Variants in TSGA10 observed in about 807,000 individuals in gnomAD.
The protein encoded by TSGA10 is testis-specific gene 10 protein.
Under a neutral mutation model 96.6 loss-of-function variants are expected in TSGA10, and 43 were observed. The observed-to-expected ratio is 0.44, with a 90% CI of 0.35 to 0.57. The LOEUF (loss-of-function observed/expected upper bound fraction) is 0.57. TSGA10 is among the 20% of genes least tolerant of loss of function. The probability of loss-of-function intolerance (pLI) is 0.01; values close to 1 mark genes in which losing one functional copy is unlikely to be tolerated. For missense variants in TSGA10, 703 were observed against 834.4 expected, an observed-to-expected ratio of 0.84 and a Z score of 1.94; for synonymous variants, 229 against 269.9, an observed-to-expected ratio of 0.85 and a Z score of 1.48.
intron 16 of TSGA10, among the ~76,000 whole-genome samples, chr2:99,059,461 C>T (rs1212196063): frequency 6.6e-6 from 1 of 151,254 alleles, no homozygotes; most frequent in Non-Finnish European, 1.5e-5. Context: ...ATGTCAAAAC[C>T]CCATCTCTAT....
At position 99,036,902 on chromosome 2, in the gene TSGA10, A is replaced by G. The variant is rs534728042; in HGVS notation, c.1405-1463T>C. Among the ~76,000 whole-genome samples the G allele has an allele frequency of 2.0e-3, 297 of 152,306 alleles. 1 individual carries two copies. The highest frequency in any genetic ancestry group is 3.5e-3 in the Non-Finnish European group (238 of 68,014). On this transcript the variant is annotated intron_variant, in intron 16 of 20. Transcript: ENST00000393483. The stretch of plus-strand genomic sequence containing the variant: ...AGGGCATGACATAATGATTGTAAAA[A>G]GTTAATTTTCAAAGAAGACATAACA...
At position 99,035,222 on chromosome 2, in the gene TSGA10, T is replaced by C; in HGVS notation, c.1614+8A>G. On this transcript the variant is annotated splice_region_variant and intron_variant, in intron 17 of 20. Transcript: ENST00000393483. ...CAATTTTAAAGATTTTTAAAATATA[T>C]TACATACCATTTCTATTTCTTGATC... is the stretch of plus-strand genomic sequence containing the variant. 1 of 1,594,082 alleles carries C rather than the reference T, an allele frequency of 6.3e-7. No individual in the cohort carries two copies. Among genetic ancestry groups the C allele is most frequent in the Non-Finnish European group, 8.6e-7 (1 of 1,167,866 alleles).
intron 16 of TSGA10, among the ~76,000 whole-genome samples, chr2:99,053,737 AACAT>A (rs2083658537): frequency 6.6e-6 from 1 of 152,228 alleles, no homozygotes; most frequent in Non-Finnish European, 1.5e-5. Flanking sequence ...ATACAAAATC[AACAT>A]ACAAAGATCA....
chr2:99,014,677 T>G (rs1337227057), intron 20 of TSGA10, among the ~76,000 whole-genome samples: 2 of 151,724 alleles, frequency 1.3e-5, no homozygotes, highest in Non-Finnish European at 2.9e-5. Context: ...ACAAAAAAAT[T>G]ACAAAAGATA....
chr2:99,023,740 T>A (rs1471627437), intron 17 of TSGA10, among the ~76,000 whole-genome samples: 1 of 152,254 alleles, frequency 6.6e-6, no homozygotes, highest in African/African-American at 2.4e-5. Flanking sequence ...TGAATTCTGT[T>A]CCATCAACCT....
intron 9 of TSGA10, among the ~76,000 whole-genome samples, chr2:99,104,473 T>G (rs184833259): frequency 2.4e-4 from 36 of 152,178 alleles, no homozygotes; most frequent in African/African-American, 8.2e-4. Flanking sequence ...TTCTCCTGTC[T>G]AGTAATTTTT....
intron 12 of TSGA10, among the ~76,000 whole-genome samples, chr2:99,073,974 C>A (rs1032244718): frequency 7.0e-6 from 1 of 142,634 alleles, no homozygotes; most frequent in Non-Finnish European, 1.5e-5. Context: ...CTATATTTTC[C>A]AACCAATTCT....
chr2:99,118,233 C>T (rs1197450410), intron 3 of TSGA10, among the ~76,000 whole-genome samples: 11 of 151,626 alleles, frequency 7.3e-5, no homozygotes, highest in Non-Finnish European at 2.9e-5. Flanking sequence ...GGCAGATCAT[C>T]TGAGGTCAGG....
chr2:99,147,639 T>C, intron 1 of TSGA10: 1 of 718,296 alleles, frequency 1.4e-6, no homozygotes, highest in Non-Finnish European at 2.2e-6. Flanking sequence ...TTTAGAGTTT[T>C]GTGTTTTTTA....
chr2:99,097,636 T>C (rs928326891), intron 10 of TSGA10, among the ~76,000 whole-genome samples: 2 of 151,844 alleles, frequency 1.3e-5, no homozygotes, highest in African/African-American at 2.4e-5. Context: ...AAATACCCCA[T>C]CAATCCAAAA....
chr2:99,074,162 G>A (rs12474552), intron 12 of TSGA10, among the ~76,000 whole-genome samples: 47,351 of 150,338 alleles, frequency 0.31, 7,791 homozygotes, highest in African/African-American at 0.44. Context: ...ACAGGCATGC[G>A]CCACCATGCC....
chr2:99,116,740 T>C (rs754112331), intron 4 of TSGA10, among the ~76,000 whole-genome samples: 10 of 152,166 alleles, frequency 6.6e-5, no homozygotes, highest in Non-Finnish European at 1.2e-4. Flanking sequence ...AAAAAAGTTT[T>C]AAATTGACTT....
At chr2:99,114,295 C>T (rs1197113689) in intron 4 of TSGA10, among the ~76,000 whole-genome samples, 8 of 152,158 alleles carry the variant, frequency 5.3e-5, no homozygotes, top group Admixed American at 5.2e-4. Context: ...AAATGCATAT[C>T]TAATGTCTTA....
Position 99,105,597 on chromosome 2 carries a change from T to G in TSGA10, c.311A>C (p.Glu104Ala), listed in dbSNP as rs1161084674. ...TAAATCAGTAAAGGCTACATCTCTT[T>G]CAGTCTCCACTCGCCGGAGAATAGC... Reference protein sequence around the residue: ...AHAILRRVETERDVAFTDLRR... With the variant: ...AHAILRRVETARDVAFTDLRR... Residue 104 changes from glutamate to alanine, a missense_variant, in exon 8 of 21, where the codon GAA becomes GCA. Physicochemically the swap from Glu to Ala is moderately radical, Grantham distance 107. Around this residue, in one of 3 missense-constraint regions of TSGA10, gnomAD observed 585 missense variants for 656.8 expected, o/e 0.89. Coordinates refer to ENST00000393483, the MANE Select transcript of TSGA10 (RefSeq NM_025244.4). 6.2e-7 allele frequency: 1 copy of G among 1,611,246 alleles called. No homozygotes were observed. Among genetic ancestry groups the G allele is most frequent in the East Asian group, 2.2e-5 (1 of 44,746 alleles).
At chr2:99,139,984 C>G (rs1559139434) in intron 1 of TSGA10, among the ~76,000 whole-genome samples, 1 of 152,188 alleles carries the variant, frequency 6.6e-6, no homozygotes, top group Non-Finnish European at 1.5e-5. Context: ...CCTAAACAAA[C>G]TAGTCTAAGC....
chr2:99,035,253 C>T lies in TSGA10; in HGVS notation c.1591G>A (p.Ala531Thr), dbSNP rs779225163. 1.9e-6 allele frequency: 3 copies of T among 1,609,044 alleles called. No homozygotes were observed. The highest frequency in any genetic ancestry group is 2.5e-6 in the Non-Finnish European group (3 of 1,177,482). ...ACCATTTCTATTTCTTGATCTTTAG[C>T]AACCAGCTGTCGATTAAGAAGTTCT... ...SKELLNRQLV[A>T]KDQEIEMREN... Residue 531 changes from alanine (A) to threonine (T), a missense_variant, in exon 17 of 21, where the codon GCT becomes ACT. By Grantham distance (58) the Ala-to-Thr change is moderately conservative. This residue lies in a region of TSGA10 where 585 missense variants were observed against 656.8 expected (regional missense o/e 0.89). Coordinates refer to ENST00000393483, the MANE Select transcript of TSGA10 (RefSeq NM_025244.4).
intron 10 of TSGA10, among the ~76,000 whole-genome samples, chr2:99,099,817 ACTT>A (rs1465026477): frequency 1.3e-5 from 2 of 152,196 alleles, no homozygotes; most frequent in African/African-American, 2.4e-5. Flanking sequence ...AAATAAAAAA[ACTT>A]CTGTAGGTGG....
chr2:99,123,760 T>C (rs1368973187), intron 2 of TSGA10, among the ~76,000 whole-genome samples: 1 of 152,234 alleles, frequency 6.6e-6, no homozygotes, highest in African/African-American at 2.4e-5. Flanking sequence ...GTCTGGCTTA[T>C]TGTACTTAGT....
At chr2:99,044,198 T>A (rs772330520) in intron 16 of TSGA10, among the ~76,000 whole-genome samples, 2 of 152,228 alleles carry the variant, frequency 1.3e-5, no homozygotes, top group Non-Finnish European at 2.9e-5. Flanking sequence ...TAAATGTAAC[T>A]GGGCTAAATG....
Sources: allele counts gnomAD v4.1 joint callset (sites outside exome capture counted in the v4.1 genomes callset), GRCh38; gene constraint gnomAD v4.1.1; regional missense constraint gnomAD v4.1.1; transcripts MANE v1.5; gene names NCBI Gene and HGNC (gene_info 2026-07-23, HGNC 2026-07-21).